Variants in NRG1 observed in about 807,000 individuals in gnomAD.
The protein encoded by NRG1 is pro-neuregulin-1, membrane-bound isoform.
In NRG1, 18 loss-of-function variants were observed where a neutral mutation model predicts 63.8. The ratio of observed to expected loss-of-function variants is 0.28; its 90% CI spans 0.19 to 0.42. The LOEUF is 0.42. NRG1 is among the 10% of genes least tolerant of loss of function. NRG1 has a pLI of 1.00. For missense variants in NRG1, 762 were observed against 814.7 expected (o/e 0.94, Z 0.79); for synonymous variants, 302 against 301.3 (o/e 1.00, Z -0.02).
At chr8:32,631,609 A>G (rs1393279825) in intron 5 of NRG1, among the ~76,000 whole-genome samples, 1 of 152,190 alleles carries the variant, frequency 6.6e-6, no homozygotes, top group Non-Finnish European at 1.5e-5. Context: ...GGAAATAGTT[A>G]TAGGCAGTTA....
chr8:32,144,650 G>A (rs968107176), intron 1 of NRG1, among the ~76,000 whole-genome samples: 1 of 152,072 alleles, frequency 6.6e-6, no homozygotes, highest in African/African-American at 2.4e-5. Flanking sequence ...CAGCATTTTT[G>A]CTGTTTATAT....
At chr8:31,752,411 C>T (rs546806350) in intron 1 of NRG1, among the ~76,000 whole-genome samples, 1 of 152,070 alleles carries the variant, frequency 6.6e-6, no homozygotes, top group African/African-American at 2.4e-5. Flanking sequence ...TTTACATTGT[C>T]ACTGGACTAC....
chr8:31,923,777 T>C (rs917713865), intron 1 of NRG1, among the ~76,000 whole-genome samples: 1 of 152,110 alleles, frequency 6.6e-6, no homozygotes, highest in African/African-American at 2.4e-5. Context: ...TTTTGCATTA[T>C]GGTGAAGGCA....
chr8:32,416,839 C>T (rs530048500), intron 1 of NRG1, among the ~76,000 whole-genome samples: 11 of 152,196 alleles, frequency 7.2e-5, no homozygotes, highest in African/African-American at 2.4e-4. Context: ...AGGTGCACCA[C>T]CACGCTTGGC....
At chr8:32,541,007 G>A (rs1832523127) in intron 1 of NRG1, among the ~76,000 whole-genome samples, 1 of 152,138 alleles carries the variant, frequency 6.6e-6, no homozygotes, top group Admixed American at 6.5e-5. Context: ...TAATACTTGT[G>A]AAATTCTTTT....
At chr8:32,464,129 C>T (rs530422443) in intron 1 of NRG1, among the ~76,000 whole-genome samples, 2 of 151,702 alleles carry the variant, frequency 1.3e-5, no homozygotes, top group South Asian at 2.1e-4. Flanking sequence ...CTCCTGACCT[C>T]GTGATCCTCC....
At chr8:32,584,914 A>G (rs907338758) in intron 1 of NRG1, among the ~76,000 whole-genome samples, 1 of 152,206 alleles carries the variant, frequency 6.6e-6, no homozygotes. Flanking sequence ...GAATTTATTT[A>G]GTTTAGAACA....
chr8:31,808,048 C>T (rs767821203), intron 1 of NRG1, among the ~76,000 whole-genome samples: 25 of 151,766 alleles, frequency 1.6e-4, no homozygotes, highest in Non-Finnish European at 3.4e-4. Context: ...GTGAATACTG[C>T]TGCAATGGAC....
chr8:31,914,188 G>A (rs1030849790), intron 1 of NRG1, among the ~76,000 whole-genome samples: 2 of 152,012 alleles, frequency 1.3e-5, no homozygotes, highest in Admixed American at 6.6e-5. Flanking sequence ...ATTGGTTCAC[G>A]TGGATAGAGA....
chr8:32,656,020 A>G (rs1255505461), intron 5 of NRG1, among the ~76,000 whole-genome samples: 2 of 152,164 alleles, frequency 1.3e-5, no homozygotes, highest in Admixed American at 1.3e-4. Context: ...ATTAACGTCT[A>G]TGAGTTGTTT....
intron 1 of NRG1, among the ~76,000 whole-genome samples, chr8:32,110,417 G>A (rs1831857191): frequency 6.6e-6 from 1 of 152,128 alleles, no homozygotes; most frequent in African/African-American, 2.4e-5. Flanking sequence ...AAGAAGGTGA[G>A]CAGAGGAAGA....
intron 1 of NRG1, among the ~76,000 whole-genome samples, chr8:31,989,322 AC>A (rs139224708): frequency 0.32 from 47,145 of 149,188 alleles, 9,550 homozygotes; most frequent in Non-Finnish European, 0.44. Context: ...CCATGGGAGA[AC>A]ATCTTGATAG....
intron 1 of NRG1, among the ~76,000 whole-genome samples, chr8:32,508,329 C>T (rs1054401761): frequency 4.6e-5 from 7 of 151,428 alleles, no homozygotes; most frequent in African/African-American, 9.7e-5. Flanking sequence ...TTCACACTGT[C>T]GCCCGGGCTG....
At chr8:32,647,662 C>CCTCT (rs751599210) in intron 5 of NRG1, 13 of 1,501,372 alleles carry the variant, frequency 8.7e-6, no homozygotes, top group Non-Finnish European at 1.2e-5. Flanking sequence ...GTTGGGGGGG[C>CCTCT]CTCTGCGTGG....
chr8:31,916,665 A>G lies in NRG1; in HGVS notation c.37+277234A>G, dbSNP rs186088529. On this transcript the variant is annotated intron_variant, in intron 1 of 10. Coordinates refer to the NRG1 transcript ENST00000519301. ...TTGTGAATAGTGCTGCAATAAACAC[A>G]TGTGTGCATGTGTCTTTATAGCAGC... Among the ~76,000 whole-genome samples the G allele has an allele frequency of 5.3e-5, 8 of 152,288 alleles. No individual in the cohort carries two copies. The East Asian group carries it at 1.5e-3, about 29-fold the overall frequency.
At chr8:31,642,511 T>A (rs1803894177) in intron 1 of NRG1, among the ~76,000 whole-genome samples, 1 of 152,230 alleles carries the variant, frequency 6.6e-6, no homozygotes, top group African/African-American at 2.4e-5. Context: ...AGAGAATGTT[T>A]GGAAATGGAA....
chr8:31,765,141 T>C (rs1817934230), intron 1 of NRG1, among the ~76,000 whole-genome samples: 1 of 152,174 alleles, frequency 6.6e-6, no homozygotes, highest in Non-Finnish European at 1.5e-5. Flanking sequence ...TATATATTGC[T>C]AGTATATAGA....
chr8:31,950,140 G>A (rs1803240286), intron 1 of NRG1, among the ~76,000 whole-genome samples: 1 of 152,188 alleles, frequency 6.6e-6, no homozygotes, highest in South Asian at 2.1e-4. Flanking sequence ...TAGGGGACAT[G>A]TAATACTCTA....
At chr8:32,546,553 G>A (rs1035682829), upstream of NRG1, among the ~76,000 whole-genome samples, 1 of 152,154 alleles carries the variant, frequency 6.6e-6, no homozygotes, top group Non-Finnish European at 1.5e-5. Flanking sequence ...TTCAGCCAGT[G>A]TTCAGACTCC....
Sources: allele counts gnomAD v4.1 joint callset (sites outside exome capture counted in the v4.1 genomes callset), GRCh38; gene constraint gnomAD v4.1.1; transcripts MANE v1.5; gene names NCBI Gene and HGNC (gene_info 2026-07-23, HGNC 2026-07-21).